C2orf76: variants seen among roughly 807,000 people sequenced by gnomAD.
C2orf76 encodes chromosome 2 open reading frame 76, also known as UPF0538 protein C2orf76.
In C2orf76, 23 loss-of-function variants were observed where a neutral mutation model predicts 16.9. The ratio of observed to expected loss-of-function variants is 1.36; its 90% CI spans 0.98 to 1.93. The LOEUF is 1.93. C2orf76 is among the 30% of genes most tolerant of loss of function. The pLI, the probability that C2orf76 is intolerant of heterozygous loss-of-function variation, is 0.00. For missense variants in C2orf76, 152 were observed against 152.6 expected, an observed-to-expected ratio of 1.00 and a Z score of 0.02; for synonymous variants, 48 against 52.3, an observed-to-expected ratio of 0.92 and a Z score of 0.35.
At chr2:119,322,456 C>T (rs1007217598) in intron 2 of C2orf76, among the ~76,000 whole-genome samples, 1 of 152,126 alleles carries the variant, frequency 6.6e-6, no homozygotes, top group Admixed American at 6.5e-5. Flanking sequence ...AATCTGCCCA[C>T]CTTGGCCTCC....
intron 1 of C2orf76, among the ~76,000 whole-genome samples, chr2:119,342,771 T>TTTGC (rs940759179): frequency 6.6e-6 from 1 of 152,086 alleles, no homozygotes; most frequent in African/African-American, 2.4e-5. Flanking sequence ...TGTTTGTTTG[T>TTTGC]TTGTTTTTGA....
chr2:119,357,863 G>A (rs1336451239), intron 1 of C2orf76, among the ~76,000 whole-genome samples: 1 of 152,004 alleles, frequency 6.6e-6, no homozygotes, highest in African/African-American at 2.4e-5. Context: ...AAAAAAATCT[G>A]GAATTAATGA....
intron 1 of C2orf76, among the ~76,000 whole-genome samples, chr2:119,347,356 G>A (rs2104621248): frequency 6.6e-6 from 1 of 152,286 alleles, no homozygotes; most frequent in Admixed American, 6.5e-5. Flanking sequence ...ACTTAAAAGA[G>A]CTAATCTCAA....
At chr2:119,316,702 G>A (rs1573632087) in intron 4 of C2orf76, among the ~76,000 whole-genome samples, 1 of 152,110 alleles carries the variant, frequency 6.6e-6, no homozygotes, top group South Asian at 2.1e-4. Flanking sequence ...TATGAGCCAG[G>A]CACTGTGCTA....
At chr2:119,325,791 T>G (rs1381881237) in intron 2 of C2orf76, among the ~76,000 whole-genome samples, 1 of 152,218 alleles carries the variant, frequency 6.6e-6, no homozygotes, top group Non-Finnish European at 1.5e-5. Flanking sequence ...ATTGTGGTTT[T>G]AATTTCCATT....
chr2:119,313,304 T>G (rs1679057007), intron 4 of C2orf76, among the ~76,000 whole-genome samples: 1 of 151,906 alleles, frequency 6.6e-6, no homozygotes, highest in South Asian at 2.1e-4. Flanking sequence ...ACTCAAAAAA[T>G]CATTTTAGAA....
intron 4 of C2orf76, among the ~76,000 whole-genome samples, chr2:119,312,766 G>A (rs1276159620): frequency 6.6e-6 from 1 of 152,176 alleles, no homozygotes; most frequent in Non-Finnish European, 1.5e-5. Context: ...GGTGGCTCAT[G>A]CCTGTAATCC....
chr2:119,295,226 G>GA, the C2orf76 span, among the ~76,000 whole-genome samples: 1 of 152,112 alleles, frequency 6.6e-6, no homozygotes. Flanking sequence ...TGAATTACGA[G>GA]AGATAGCTGC....
At chr2:119,333,897 C>T (rs1679753014) in intron 2 of C2orf76, among the ~76,000 whole-genome samples, 1 of 152,156 alleles carries the variant, frequency 6.6e-6, no homozygotes, top group South Asian at 2.1e-4. Flanking sequence ...AAAGATATGA[C>T]CTGTCACAAA....
At chr2:119,319,049 T>C (rs868403095) in intron 3 of C2orf76, among the ~76,000 whole-genome samples, 1 of 152,082 alleles carries the variant, frequency 6.6e-6, no homozygotes, top group African/African-American at 2.4e-5. Flanking sequence ...TAGATATGTT[T>C]ATTATTTGAG....
chr2:119,326,076 T>C (rs1679501589), intron 2 of C2orf76, among the ~76,000 whole-genome samples: 1 of 152,240 alleles, frequency 6.6e-6, no homozygotes, highest in African/African-American at 2.4e-5. Context: ...AGGAAAAGTT[T>C]TTAATTTTGC....
At chr2:119,295,397 T>C in the C2orf76 span, among the ~76,000 whole-genome samples, 1 of 152,016 alleles carries the variant, frequency 6.6e-6, no homozygotes. Context: ...ATCAGGAAAT[T>C]AAATGAGGTT....
At chr2:119,322,885 TCAGA>T (rs1337592580) in intron 2 of C2orf76, among the ~76,000 whole-genome samples, 1 of 152,062 alleles carries the variant, frequency 6.6e-6, no homozygotes, top group Non-Finnish European at 1.5e-5. Flanking sequence ...GCTGCACTGG[TCAGA>T]CAGAGACCAG....
At chr2:119,326,730 T>G (rs988301880) in intron 2 of C2orf76, among the ~76,000 whole-genome samples, 9 of 152,232 alleles carry the variant, frequency 5.9e-5, no homozygotes, top group Non-Finnish European at 1.5e-5. Flanking sequence ...CTTAGGTCTC[T>G]AAATTTCTCT....
At chr2:119,366,932 G>A (rs1681035533), upstream of C2orf76, 3 of 1,301,704 alleles carry the variant, frequency 2.3e-6, no homozygotes, top group Non-Finnish European at 2.2e-6. Context: ...GTGCTCGCCC[G>A]AGCAGGGTTG....
At chr2:119,358,009 A>G (rs1322280686) in intron 1 of C2orf76, among the ~76,000 whole-genome samples, 1 of 152,234 alleles carries the variant, frequency 6.6e-6, no homozygotes, top group Non-Finnish European at 1.5e-5. Context: ...ATCACTCAAA[A>G]ACAAGTATTT....
chr2:119,335,582 G>A (rs1445282815), intron 2 of C2orf76, among the ~76,000 whole-genome samples: 1 of 152,106 alleles, frequency 6.6e-6, no homozygotes, highest in Non-Finnish European at 1.5e-5. Context: ...TTTTGTACAT[G>A]GTTTATTCTA....
At chr2:119,347,200 G>T (rs990653699) in intron 1 of C2orf76, among the ~76,000 whole-genome samples, 1 of 152,104 alleles carries the variant, frequency 6.6e-6, no homozygotes, top group East Asian at 1.9e-4. Context: ...CTATGACAGG[G>T]TATGGAAGAA....
At chr2:119,288,340 T>C in the C2orf76 span, among the ~76,000 whole-genome samples, 3 of 151,860 alleles carry the variant, frequency 2.0e-5, no homozygotes, top group Non-Finnish European at 4.4e-5. Context: ...GTATTTTTAG[T>C]AGAGACGGGG....
Sources: gnomAD v4.1 joint callset for allele counts (sites outside exome capture counted in the v4.1 genomes callset) on GRCh38, gnomAD v4.1.1 for gene constraint, MANE v1.5 for transcripts, NCBI Gene and HGNC (gene_info 2026-07-23, HGNC 2026-07-21) for gene names.